Variants in ADCY2 observed in about 807,000 individuals in gnomAD.
The protein encoded by ADCY2 is adenylate cyclase type 2.
In ADCY2, 31 loss-of-function variants were observed where a neutral mutation model predicts 125.2. The observed-to-expected ratio is 0.25, with a 90% CI of 0.19 to 0.33. ADCY2 has a LOEUF of 0.33. ADCY2 is among the 10% of genes least tolerant of loss of function. The pLI is 1.00. For missense variants in ADCY2, 904 were observed against 1,418.2 expected (o/e 0.64, Z 5.82); for synonymous variants, 512 against 548.4 (o/e 0.93, Z 0.93).
chr5:7,635,117 C>T (rs1168245313), intron 4 of ADCY2, among the ~76,000 whole-genome samples: 1 of 152,058 alleles, frequency 6.6e-6, no homozygotes, highest in African/African-American at 2.4e-5. Flanking sequence ...AGGCAGGAGC[C>T]AGACTACACG....
Position 7,396,223 on chromosome 5 carries a change from G to A in ADCY2, c.-74G>A, listed in dbSNP as rs1739018656. The A allele has an allele frequency of 7.0e-6, 6 of 859,130 alleles. No homozygotes were observed. Among genetic ancestry groups the A allele is most frequent in the Non-Finnish European group, 7.0e-6 (5 of 718,490 alleles). The allele number at this position is 859,130 out of a possible 1,614,324, so 53.2% of individuals were successfully genotyped here. The stretch of plus-strand genomic sequence containing the variant: ...GGGCCGGCCGAGGCGGCGCGGGGGT[G>A]GGACGCGGGCGGCCGCGGCGAGCGG... On this transcript the variant is annotated 5_prime_UTR_variant, in exon 1 of 25. Coordinates refer to ENST00000338316, the MANE Select transcript of ADCY2 (RefSeq NM_020546.3). This position sits in a 1 kb window ranked among gnomAD's most constrained non-coding sequence, Gnocchi z 5.7.
At chr5:7,674,355 A>T (rs532828572) in intron 4 of ADCY2, among the ~76,000 whole-genome samples, 1 of 152,172 alleles carries the variant, frequency 6.6e-6, no homozygotes, top group Non-Finnish European at 1.5e-5. Flanking sequence ...AGGCGGGCAG[A>T]GGGAAGTATT....
intron 2 of ADCY2, among the ~76,000 whole-genome samples, chr5:7,433,456 A>C (rs1048550986): frequency 6.6e-6 from 1 of 152,146 alleles, no homozygotes; most frequent in Non-Finnish European, 1.5e-5. Context: ...TGCCTAGGTC[A>C]CCAAGCTGTA....
chr5:7,626,606 C>G (rs1026372864), intron 4 of ADCY2, among the ~76,000 whole-genome samples: 9 of 152,148 alleles, frequency 5.9e-5, no homozygotes, highest in Non-Finnish European at 1.5e-5. Context: ...ACTGCCTCCA[C>G]TCATGGATAA....
Position 7,592,174 on chromosome 5 carries a change from A to G in ADCY2, c.571-33993A>G, listed in dbSNP as rs149920085. Among the ~76,000 whole-genome samples the G allele has an allele frequency of 3.3e-3, 497 of 152,304 alleles. 1 individual carries two copies. Among genetic ancestry groups the G allele is most frequent in the African/African-American group, 0.011 (469 of 41,570 alleles). On this transcript the variant is annotated intron_variant, in intron 3 of 24. Coordinates refer to ENST00000338316, the MANE Select transcript of ADCY2 (RefSeq NM_020546.3). ...TTTAGAAAAGTATCTCCCATTGCCAATATTACAAAGAGGGTCGCCTAAATA... is the reference window on the plus strand; with the variant it reads ...TTTAGAAAAGTATCTCCCATTGCCAGTATTACAAAGAGGGTCGCCTAAATA...
chr5:7,609,757 A>G (rs1737508233), intron 3 of ADCY2, among the ~76,000 whole-genome samples: 1 of 152,218 alleles, frequency 6.6e-6, no homozygotes. Context: ...TTGGAGAAGT[A>G]TCAGGGAGTA....
At chr5:7,720,858 C>G (rs1463318219) in intron 12 of ADCY2, among the ~76,000 whole-genome samples, 1 of 152,176 alleles carries the variant, frequency 6.6e-6, no homozygotes, top group Non-Finnish European at 1.5e-5. Flanking sequence ...AATAAACATA[C>G]ATGTGCATGT....
chr5:7,563,491 C>G lies in ADCY2; in HGVS notation c.570+42592C>G, dbSNP rs185749056. ...TTTTTTTGGAATCACTTGCTTCATT[C>G]TTAAGATCAAAATGTGCAGGCTGCA... On this transcript the variant is annotated intron_variant, in intron 3 of 24. Coordinates refer to ENST00000338316, the MANE Select transcript of ADCY2 (RefSeq NM_020546.3). Among the ~76,000 whole-genome samples the G allele has an allele frequency of 4.2e-3, 644 of 152,202 alleles. 1 individual carries two copies. The highest frequency in any genetic ancestry group is 4.8e-3 in the Non-Finnish European group (325 of 68,004).
At chr5:7,782,761 A>C (rs994346117) in intron 18 of ADCY2, among the ~76,000 whole-genome samples, 4 of 152,274 alleles carry the variant, frequency 2.6e-5, no homozygotes, top group Non-Finnish European at 5.9e-5. Flanking sequence ...AGCATGGTCA[A>C]TATAGGGTAA....
intron 15 of ADCY2, among the ~76,000 whole-genome samples, chr5:7,750,377 G>A (rs1742769944): frequency 6.6e-6 from 1 of 152,122 alleles, no homozygotes; most frequent in South Asian, 2.1e-4. Flanking sequence ...CATGCTCTGA[G>A]TCTGGTAATT....
At chr5:7,461,071 G>A (rs1197254840) in intron 2 of ADCY2, among the ~76,000 whole-genome samples, 1 of 152,128 alleles carries the variant, frequency 6.6e-6, no homozygotes, top group African/African-American at 2.4e-5. Flanking sequence ...GCTGTCCACT[G>A]CCCCCATTCC....
chr5:7,411,478 T>TG (rs1212599076), intron 1 of ADCY2, among the ~76,000 whole-genome samples: 1 of 152,234 alleles, frequency 6.6e-6, no homozygotes, highest in East Asian at 1.9e-4. Context: ...GTCATAAAGA[T>TG]GTATGTAATC....
intron 3 of ADCY2, among the ~76,000 whole-genome samples, chr5:7,570,645 G>A (rs1736039054): frequency 6.7e-6 from 1 of 149,340 alleles, no homozygotes; most frequent in African/African-American, 2.5e-5. Flanking sequence ...AAATGCTTGT[G>A]TTTGGGAGTA....
At chr5:7,815,690 G>T (rs925236488) in intron 22 of ADCY2, among the ~76,000 whole-genome samples, 2 of 152,196 alleles carry the variant, frequency 1.3e-5, no homozygotes, top group Non-Finnish European at 2.9e-5. Context: ...GCATAGAAAT[G>T]TTCACTTCTT....
intron 2 of ADCY2, among the ~76,000 whole-genome samples, chr5:7,441,079 G>A (rs116652399): frequency 0.013 from 2,001 of 152,178 alleles, 36 homozygotes; most frequent in African/African-American, 0.045. Context: ...AGGGCAGGAC[G>A]GTTTTGGAGA....
chr5:7,541,013 C>A (rs753219917), intron 3 of ADCY2, among the ~76,000 whole-genome samples: 1 of 152,194 alleles, frequency 6.6e-6, no homozygotes, highest in African/African-American at 2.4e-5. Context: ...CATACAATGG[C>A]CCGCCTATAG....
At chr5:7,812,227 TCCTAAGTCTGTGTATTTTTGTGCAAACA>T (rs1744967561) in intron 22 of ADCY2, among the ~76,000 whole-genome samples, 1 of 152,038 alleles carries the variant, frequency 6.6e-6, no homozygotes, top group Non-Finnish European at 1.5e-5. Context: ...AAGCAAAAAA[TCCTAAGTCTGTGTATTTTTGTGCAAACA>T]CCAAAGCTGT....
chr5:7,494,201 C>T (rs1743267395), intron 2 of ADCY2, among the ~76,000 whole-genome samples: 1 of 152,236 alleles, frequency 6.6e-6, no homozygotes. Context: ...GGGGAATCAC[C>T]TGCTTCCTGC....
chr5:7,547,908 A>G (rs1383941971), intron 3 of ADCY2, among the ~76,000 whole-genome samples: 1 of 152,242 alleles, frequency 6.6e-6, no homozygotes, highest in Non-Finnish European at 1.5e-5. Flanking sequence ...CATGGACAGC[A>G]TTACACTATT....
Sources: allele counts gnomAD v4.1 joint callset (sites outside exome capture counted in the v4.1 genomes callset), GRCh38; gene constraint gnomAD v4.1.1; non-coding constraint Gnocchi (gnomAD v3.1); transcripts MANE v1.5; gene names NCBI Gene and HGNC (gene_info 2026-07-23, HGNC 2026-07-21).